The following PCCA variants were observed in gnomAD, a reference collection of about 807,000 sequenced individuals.
The protein encoded by PCCA is propionyl-CoA carboxylase alpha chain, mitochondrial.
PCCA carries 74 observed loss-of-function variants against 101.3 expected under a neutral mutation model. The observed-to-expected ratio is 0.73, with a 90% CI of 0.61 to 0.89. The LOEUF (loss-of-function observed/expected upper bound fraction) is 0.89, where lower values mean the gene tolerates loss of function less well. Ranked by LOEUF, PCCA falls within the 40% of genes least tolerant of loss-of-function variation. The pLI is 0.00. For missense variants in PCCA, 891 were observed against 907.0 expected (o/e 0.98, Z 0.23); for synonymous variants, 294 against 313.6 (o/e 0.94, Z 0.66).
intron 8 of PCCA, 39 bp from the exon 9 acceptor site, chr13:100,257,555 TC>T (rs2062156638): frequency 7.2e-7 from 1 of 1,389,220 alleles, no homozygotes; most frequent in Non-Finnish European, 1.0e-6. Context: ...ATCCCAATGA[TC>T]AAAGTCTGAA....
At chr13:100,114,652 T>C (rs1317341133) in intron 4 of PCCA, among the ~76,000 whole-genome samples, 2 of 152,078 alleles carry the variant, frequency 1.3e-5, no homozygotes, top group Non-Finnish European at 2.9e-5. Flanking sequence ...AAAGAAGACA[T>C]ACAAATCACA....
chr13:100,346,173 C>G (rs2072183769), intron 18 of PCCA, among the ~76,000 whole-genome samples: 1 of 152,144 alleles, frequency 6.6e-6, no homozygotes, highest in Non-Finnish European at 1.5e-5. Context: ...ATACATTTCA[C>G]AAGGCGATAG....
chr13:100,448,374 G>C (rs2080990622), intron 20 of PCCA, among the ~76,000 whole-genome samples: 1 of 152,016 alleles, frequency 6.6e-6, no homozygotes, highest in Non-Finnish European at 1.5e-5. Flanking sequence ...TGTATTTTTA[G>C]TAAAGACGGG....
intron 22 of PCCA, among the ~76,000 whole-genome samples, chr13:100,518,919 A>T (rs1283516196): frequency 6.6e-6 from 1 of 152,166 alleles, no homozygotes; most frequent in Non-Finnish European, 1.5e-5. Context: ...AAATATATAT[A>T]TTTTCAGAAT....
chr13:100,332,542 A>G (rs1016236033), intron 17 of PCCA, among the ~76,000 whole-genome samples: 12 of 152,204 alleles, frequency 7.9e-5, no homozygotes, highest in African/African-American at 2.9e-4. Context: ...ACATTTATAT[A>G]TAAGTTTGTC....
intron 12 of PCCA, among the ~76,000 whole-genome samples, chr13:100,279,823 C>T (rs2063944794): frequency 6.6e-6 from 1 of 152,088 alleles, no homozygotes. Context: ...CTTTACTAAC[C>T]TTAAATTATA....
At chr13:100,222,948 T>TA (rs1408794838) in intron 7 of PCCA, among the ~76,000 whole-genome samples, 1 of 152,244 alleles carries the variant, frequency 6.6e-6, no homozygotes, top group Admixed American at 6.5e-5. Flanking sequence ...CTCTTCTTTT[T>TA]AATGGCTTAT....
intron 21 of PCCA, among the ~76,000 whole-genome samples, chr13:100,488,149 A>G (rs1387209938): frequency 3.3e-5 from 5 of 152,140 alleles, no homozygotes; most frequent in African/African-American, 1.2e-4. Flanking sequence ...GCAGGAGTGC[A>G]ATGGCACAAT....
intron 21 of PCCA, among the ~76,000 whole-genome samples, chr13:100,507,073 T>C (rs1566478186): frequency 6.6e-6 from 1 of 152,206 alleles, no homozygotes; most frequent in South Asian, 2.1e-4. Flanking sequence ...TGTTATATAA[T>C]TGAGTACATG....
At chr13:100,371,826 C>A (rs987642156) in intron 19 of PCCA, among the ~76,000 whole-genome samples, 10 of 152,160 alleles carry the variant, frequency 6.6e-5, no homozygotes, top group Non-Finnish European at 1.5e-4. Flanking sequence ...CAGTGTGGTA[C>A]TGCACATATA....
At chr13:100,340,971 T>G (rs2071220803) in intron 18 of PCCA, among the ~76,000 whole-genome samples, 1 of 152,330 alleles carries the variant, frequency 6.6e-6, no homozygotes, top group East Asian at 1.9e-4. Flanking sequence ...GAACTAGCTT[T>G]GAAAAGCACA....
At chr13:100,329,208 TG>T (rs1415170447) in intron 16 of PCCA, among the ~76,000 whole-genome samples, 2 of 152,164 alleles carry the variant, frequency 1.3e-5, no homozygotes, top group East Asian at 3.8e-4. Context: ...GACTTACTAC[TG>T]GCTGTTTAAT....
intron 8 of PCCA, among the ~76,000 whole-genome samples, chr13:100,241,649 G>A (rs910384880): frequency 2.0e-5 from 3 of 151,888 alleles, no homozygotes; most frequent in Non-Finnish European, 2.9e-5. Flanking sequence ...GTATTTTTTT[G>A]TAGTGGGTTT....
chr13:100,485,530 C>T (rs567938351), intron 21 of PCCA, among the ~76,000 whole-genome samples: 1 of 152,314 alleles, frequency 6.6e-6, no homozygotes, highest in East Asian at 1.9e-4. Context: ...TGAAAGAGTT[C>T]TGCTCTTTGA....
intron 19 of PCCA, among the ~76,000 whole-genome samples, chr13:100,412,367 G>A (rs1294862100): frequency 6.6e-6 from 1 of 152,194 alleles, no homozygotes; most frequent in Non-Finnish European, 1.5e-5. Context: ...AGCAGCTAGG[G>A]AATCTGGGTG....
intron 1 of PCCA, among the ~76,000 whole-genome samples, chr13:100,100,838 A>G (rs1168772339): frequency 6.7e-6 from 1 of 148,946 alleles, no homozygotes; most frequent in East Asian, 2.0e-4. Context: ...CCCAGGCTGG[A>G]GTGCAACGGT....
intron 4 of PCCA, among the ~76,000 whole-genome samples, chr13:100,127,619 G>GCACTT (rs2050084031): frequency 6.6e-6 from 1 of 152,162 alleles, no homozygotes; most frequent in Non-Finnish European, 1.5e-5. Flanking sequence ...AGGGCCGGGC[G>GCACTT]TGGTGGCTCA....
At chr13:100,409,720 A>G (rs568744139) in intron 19 of PCCA, among the ~76,000 whole-genome samples, 13 of 152,296 alleles carry the variant, frequency 8.5e-5, no homozygotes, top group Admixed American at 4.6e-4. Flanking sequence ...CAACTGTCCA[A>G]ACTATATCAG....
intron 6 of PCCA, among the ~76,000 whole-genome samples, chr13:100,177,492 T>G (rs1373522273): frequency 6.6e-6 from 1 of 152,180 alleles, no homozygotes; most frequent in African/African-American, 2.4e-5. Flanking sequence ...GTCTATTATT[T>G]AGTAAACATA....
Sources: gnomAD v4.1 joint callset for allele counts (sites outside exome capture counted in the v4.1 genomes callset) on GRCh38, gnomAD v4.1.1 for gene constraint, MANE v1.5 for transcripts, NCBI Gene and HGNC (gene_info 2026-07-23, HGNC 2026-07-21) for gene names.